Variants in ZKSCAN3 observed in about 807,000 individuals in gnomAD.
The protein encoded by ZKSCAN3 is zinc finger protein with KRAB and SCAN domains 3.
In ZKSCAN3, 21 loss-of-function variants were observed where a neutral mutation model predicts 30.7. That is an observed-to-expected ratio of 0.68 (90% CI 0.49 to 0.99). The LOEUF (loss-of-function observed/expected upper bound fraction) is 0.99, where lower values mean the gene tolerates loss of function less well. Among genes scored for constraint, ZKSCAN3 ranks in the 50% least tolerant of loss-of-function variants. The probability of loss-of-function intolerance (pLI) is 0.00; values close to 1 mark genes in which losing one functional copy is unlikely to be tolerated. For synonymous variants in ZKSCAN3, 201 were observed against 246.7 expected, an observed-to-expected ratio of 0.81 and a Z score of 1.73; for missense variants, 507 against 647.1, an observed-to-expected ratio of 0.78 and a Z score of 2.35.
intron 1 of ZKSCAN3, among the ~76,000 whole-genome samples, chr6:28,352,089 C>T (rs1765072703): frequency 6.6e-6 from 1 of 151,788 alleles, no homozygotes; most frequent in Non-Finnish European, 1.5e-5. Context: ...TAATCTATGA[C>T]AGTTCCCATT....
chr6:28,350,615 G>C (rs1018768463), intron 1 of ZKSCAN3, among the ~76,000 whole-genome samples: 3 of 152,186 alleles, frequency 2.0e-5, no homozygotes, highest in African/African-American at 7.2e-5. Flanking sequence ...TGGGTAAGGT[G>C]CAGAGTAAGC....
chr6:28,363,212 A>G (rs563107305), intron 3 of ZKSCAN3, 91 bp from the exon 4 acceptor site: 2 of 1,131,270 alleles, frequency 1.8e-6, no homozygotes, highest in Admixed American at 2.1e-5. Flanking sequence ...TGAGACAGGA[A>G]TCTATTAATC....
At position 28,361,472 on chromosome 6, in the gene ZKSCAN3, G is replaced by A. The variant is rs1486832045; in HGVS notation, c.550+1G>A. The A allele has an allele frequency of 6.2e-7, 1 of 1,603,374 alleles. No homozygotes were observed. Among genetic ancestry groups the A allele is most frequent in the Non-Finnish European group, 8.5e-7 (1 of 1,176,512 alleles). On this transcript the variant is annotated splice_donor_variant, in intron 3 of 5. Transcript: ENST00000252211. LOFTEE classifies it high-confidence loss of function. The stretch of plus-strand genomic sequence containing the variant: ...GGATCCCAGCCTTTACAAGATAGAG[G>A]TAAGGATTATTTTCTAGACAGTATG...
rs199753064 is a variant in ZKSCAN3, at chr6:28,366,236, T to G, written c.1568T>G (p.Leu523Arg). Reference protein sequence around the residue: ...CGKGFTRISYLVQHQRSHVGK... With the variant: ...CGKGFTRISYRVQHQRSHVGK... ...AAAGGCTTCACCCGAATTTCATACC[T>G]TGTTCAACATCAGAGAAGCCATGTA... Residue 523 changes from leucine to arginine, a missense_variant, in exon 6 of 6, where the codon CTT becomes CGT. Leu to Arg is a moderately radical substitution (Grantham distance 102). Transcript: ENST00000252211. The G allele has an allele frequency of 6.4e-7, 1 of 1,558,368 alleles. No individual in the cohort carries two copies. The highest frequency in any genetic ancestry group is 2.2e-5 in the East Asian group (1 of 44,632).
rs1195638771 is a variant in ZKSCAN3 at position 28,365,953 on chromosome 6, A to G, written c.1285A>G (p.Ser429Gly). 6.2e-7 allele frequency: 1 copy of G among 1,614,154 alleles called. No individual in the cohort carries two copies. Among genetic ancestry groups the G allele is most frequent in the African/African-American group, 1.3e-5 (1 of 75,056 alleles). Residue 429 changes from serine to glycine, a missense_variant, in exon 6 of 6, where the codon AGT (serine) becomes GGT (glycine). Physicochemically the swap from Ser to Gly is moderately conservative, Grantham distance 56. Coordinates refer to ENST00000252211, the MANE Select transcript of ZKSCAN3 (RefSeq NM_024493.4). Reference sequence around the variant, plus strand: ...CACTGGGGAGAAGCCGTATCAGTGCAGTATGTGTGGCAAAGCCTTTAGGCG... The same window carrying G: ...CACTGGGGAGAAGCCGTATCAGTGCGGTATGTGTGGCAAAGCCTTTAGGCG... ...IHTGEKPYQC[S>G]MCGKAFRRSS...
In ZKSCAN3 at chr6:28,351,025, G is replaced by C. The variant is rs1475607263; in HGVS notation, c.-63+958G>C. Among the ~76,000 whole-genome samples the C allele has an allele frequency of 2.0e-5, 3 of 152,164 alleles. No individual in the cohort carries two copies. Among genetic ancestry groups the C allele is most frequent in the Non-Finnish European group, 2.9e-5 (2 of 68,028 alleles). On this transcript the variant is annotated intron_variant, in intron 1 of 5. Transcript: ENST00000252211. The surrounding 1 kb of genome is among the most constrained non-coding windows in gnomAD (Gnocchi z 4.6). ...TTTTCGAGCTTCCAGGAACGCCCTA[G>C]CCTGAAACTGGCTTCATACTAACAC...
At position 28,368,698 on chromosome 6, in the gene ZKSCAN3, C is replaced by T. The variant is rs201137368; in HGVS notation, c.*2413C>T. Reference sequence around the variant, plus strand: ...TGAACAATGCAGCAAGGGCTTCAGTCGCAGCTCAGGTCTTATCAAACACCA... The same window carrying T: ...TGAACAATGCAGCAAGGGCTTCAGTTGCAGCTCAGGTCTTATCAAACACCA... On this transcript the variant is annotated 3_prime_UTR_variant, in exon 6 of 6. Coordinates refer to ENST00000252211, the MANE Select transcript of ZKSCAN3 (RefSeq NM_024493.4). 5.8e-4 allele frequency: 90 copies of T among 155,340 alleles called. No homozygotes were observed. The highest frequency in any genetic ancestry group is 2.0e-3 in the South Asian group (10 of 4,920). The allele number at this position is 155,340 out of a possible 1,614,324, so 9.6% of individuals were successfully genotyped here. A position where few individuals can be genotyped will look rare whatever the true frequency, so the allele number is the denominator to read the frequency against.
chr6:28,359,614 G>T lies in ZKSCAN3; in HGVS notation c.28G>T (p.Ala10Ser). ...GGCTAGAGAATTAAGTGAAAGCACA[G>T]CCCTGGATGCCCAGTCTACAGAAGA... is the stretch of plus-strand genomic sequence containing the variant. Reference protein sequence around the residue: MARELSESTALDAQSTEDQM... With the variant: MARELSESTSLDAQSTEDQM... The change falls in exon 2 of 6, where the codon GCC becomes TCC. Residue 10 changes from alanine (A) to serine (S), a missense_variant. Transcript: ENST00000252211. 1 of 1,614,238 alleles carries T rather than the reference G, an allele frequency of 6.2e-7. No homozygotes were observed. The highest frequency in any genetic ancestry group is 8.5e-7 in the Non-Finnish European group (1 of 1,180,038).
At chr6:28,356,247 C>T (rs1280771735) in intron 1 of ZKSCAN3, 1 of 152,254 alleles carries the variant, frequency 6.6e-6, no homozygotes, top group Non-Finnish European at 1.5e-5. Flanking sequence ...TGGAACGCTC[C>T]GGCGGGACCT....
In ZKSCAN3 at chr6:28,365,698, T is replaced by C. The variant is rs199841259; in HGVS notation, c.1030T>C (p.Cys344Arg). Residue 344 changes from cysteine to arginine, a missense_variant, in exon 6 of 6, where the codon TGT becomes CGT. Cys to Arg is a radical substitution (Grantham distance 180). Transcript: ENST00000252211. ...RIHTGEKPYE[C>R]EECGKAFIGS... ...CCACACTGGTGAGAAACCCTACGAA[T>C]GTGAAGAGTGTGGCAAAGCCTTCAT... 1 of 1,614,012 alleles carries C rather than the reference T, an allele frequency of 6.2e-7. No homozygotes were observed. Among genetic ancestry groups the C allele is most frequent in the East Asian group, 2.2e-5 (1 of 44,878 alleles).
rs1323753890 is a variant in ZKSCAN3, at chr6:28,361,457, CTTTA to C, written c.537_540del (p.Leu180LysfsTer22). 6.8e-6 allele frequency: 11 copies of C among 1,610,978 alleles called. No individual in the cohort carries two copies. Among genetic ancestry groups the C allele is most frequent in the Admixed American group, 1.7e-5 (1 of 59,124 alleles). On this transcript the variant is annotated frameshift_variant, in exon 3 of 6. Coordinates refer to ENST00000252211, the MANE Select transcript of ZKSCAN3 (RefSeq NM_024493.4). LOFTEE classifies it high-confidence loss of function. ...AAGCATGAATCTGTGGGATCCCAGC[CTTTA>C]CAAGATAGAGGTAAGGATTATTTTC... is the stretch of plus-strand genomic sequence containing the variant.
In ZKSCAN3 at chr6:28,366,239, TTCAACA is replaced by T; in HGVS notation, c.1575_1580del (p.His526_Gln527del). 6.4e-7 allele frequency: 1 copy of T among 1,556,724 alleles called. No homozygotes were observed. Among genetic ancestry groups the T allele is most frequent in the Non-Finnish European group, 8.6e-7 (1 of 1,157,114 alleles). On this transcript the variant is annotated inframe_deletion, in exon 6 of 6. Coordinates refer to ENST00000252211, the MANE Select transcript of ZKSCAN3 (RefSeq NM_024493.4). ...GGCTTCACCCGAATTTCATACCTTGTTCAACATCAGAGAAGCCATGTAGGGAAAAAC... is the reference window on the plus strand; with the variant it reads ...GGCTTCACCCGAATTTCATACCTTGTTCAGAGAAGCCATGTAGGGAAAAAC...
At chr6:28,359,411 C>A (rs1461326511) in intron 1 of ZKSCAN3, 114 bp from the exon 2 acceptor site, 3 of 767,748 alleles carry the variant, frequency 3.9e-6, no homozygotes, top group South Asian at 1.9e-5. Context: ...TGCAGAACCA[C>A]TGAACATGGA....
At chr6:28,363,413 A>C in intron 4 of ZKSCAN3, 28 bp downstream of exon 4, 1 of 1,599,264 alleles carries the variant, frequency 6.3e-7, no homozygotes, top group East Asian at 2.2e-5. Flanking sequence ...CCCTCCCCCA[A>C]TGCCCCTCAC....
At position 28,366,379 on chromosome 6, in the gene ZKSCAN3, T is replaced by G; in HGVS notation, c.*94T>G. 1 of 1,353,326 alleles carries G rather than the reference T, an allele frequency of 7.4e-7. No homozygotes were observed. The highest frequency in any genetic ancestry group is 9.8e-7 in the Non-Finnish European group (1 of 1,017,982). The allele number at this position is 1,353,326 out of a possible 1,614,324, so 83.8% of individuals were successfully genotyped here. Reference sequence around the variant, plus strand: ...AACTATAGAAATTGTGGGCTGGGCTTTATTTACCACTACACATTATCAGGT... The same window carrying G: ...AACTATAGAAATTGTGGGCTGGGCTGTATTTACCACTACACATTATCAGGT... On this transcript the variant is annotated 3_prime_UTR_variant, in exon 6 of 6. Transcript: ENST00000252211.
At chr6:28,352,500 C>T (rs1453488507) in intron 1 of ZKSCAN3, among the ~76,000 whole-genome samples, 1 of 152,150 alleles carries the variant, frequency 6.6e-6, no homozygotes, top group Non-Finnish European at 1.5e-5. Flanking sequence ...AAATCTGCCT[C>T]AGCCTCCCAA....
Position 28,367,707 on chromosome 6 carries a change from A to G in ZKSCAN3, c.*1422A>G, listed in dbSNP as rs1358306359. 1 of 149,124 alleles carries G rather than the reference A, an allele frequency of 6.7e-6. No individual in the cohort carries two copies. The highest frequency in any genetic ancestry group is 1.5e-5 in the Non-Finnish European group (1 of 67,692). 9.2% of individuals were successfully genotyped at this position (149,124 alleles called of 1,614,324 possible). On this transcript the variant is annotated 3_prime_UTR_variant, in exon 6 of 6. Transcript: ENST00000252211. Reference sequence around the variant, plus strand: ...CTAAGTTCATACTTTCTCCAGCTCAATGGATTCACACCAAATTTTTTTTTT... The same window carrying G: ...CTAAGTTCATACTTTCTCCAGCTCAGTGGATTCACACCAAATTTTTTTTTT...
rs149832758 is a variant in ZKSCAN3, at chr6:28,351,488, G to C, written c.-63+1421G>C. ...TTGTTTAATTTTCTAAAATTTTGGAGAGAAATTTAAACACATTTAATTGTA... is the reference window on the plus strand; with the variant it reads ...TTGTTTAATTTTCTAAAATTTTGGACAGAAATTTAAACACATTTAATTGTA... On this transcript the variant is annotated intron_variant, in intron 1 of 5. Transcript: ENST00000252211. This position sits in a 1 kb window ranked among gnomAD's most constrained non-coding sequence, Gnocchi z 4.6. Among the ~76,000 whole-genome samples, 1 of 152,230 alleles carries C rather than the reference G, an allele frequency of 6.6e-6. No individual in the cohort carries two copies. The highest frequency in any genetic ancestry group is 1.5e-5 in the Non-Finnish European group (1 of 68,016).
intron 1 of ZKSCAN3, among the ~76,000 whole-genome samples, chr6:28,352,220 T>C (rs1218903069): frequency 1.3e-5 from 2 of 152,338 alleles, no homozygotes; most frequent in East Asian, 3.9e-4. Context: ...CTTTAACTTA[T>C]TAGATCTCAA....
Sources: allele counts gnomAD v4.1 joint callset (sites outside exome capture counted in the v4.1 genomes callset), GRCh38; gene constraint gnomAD v4.1.1; non-coding constraint Gnocchi (gnomAD v3.1); transcripts MANE v1.5; gene names NCBI Gene and HGNC (gene_info 2026-07-23, HGNC 2026-07-21).